Variants in SLK observed in about 807,000 individuals in gnomAD.
The protein encoded by SLK is STE20 like kinase, also known as STE20-like serine/threonine-protein kinase.
Under a neutral mutation model 147.7 loss-of-function variants are expected in SLK, and 67 were observed. That is an observed-to-expected ratio of 0.45 (90% CI 0.37 to 0.56). The LOEUF is 0.56. Ranked by LOEUF, SLK falls within the 20% of genes least tolerant of loss-of-function variation. The probability of loss-of-function intolerance (pLI) is 0.00; values close to 1 mark genes in which losing one functional copy is unlikely to be tolerated. For synonymous variants in SLK, 441 were observed against 475.0 expected (o/e 0.93, Z 0.93); for missense variants, 1,136 against 1,438.8 (o/e 0.79, Z 3.41).
chr10:103,984,466 C>T (rs141448440), intron 1 of SLK, among the ~76,000 whole-genome samples: 13 of 152,178 alleles, frequency 8.5e-5, no homozygotes, highest in Admixed American at 4.6e-4. Flanking sequence ...CATGCTGGAG[C>T]GCAATGGTGC....
intron 18 of SLK, 124 bp from the exon 19 acceptor site, chr10:104,025,450 C>T (rs1351484375): frequency 1.5e-5 from 13 of 856,772 alleles, no homozygotes; most frequent in East Asian, 1.3e-4. Context: ...ATTGAGCAGG[C>T]GTGTCTTCTT....
intron 18 of SLK, 106 bp from the exon 19 acceptor site, chr10:104,025,468 A>G: frequency 9.3e-7 from 1 of 1,077,820 alleles, no homozygotes; most frequent in South Asian, 1.6e-5. Context: ...CTTGAGGATT[A>G]TATACAAAGA....
At chr10:103,989,764 G>A (rs908959070) in intron 1 of SLK, among the ~76,000 whole-genome samples, 1 of 152,072 alleles carries the variant, frequency 6.6e-6, no homozygotes, top group Non-Finnish European at 1.5e-5. Context: ...CACCGCGCCC[G>A]GCCAACAATT....
chr10:104,002,539 A>G lies in SLK; in HGVS notation c.1361A>G (p.Asn454Ser), dbSNP rs2134497770. ...INSVSEGKEN[N>S]IMITLETNIE... is the part of the protein sequence containing the mutation. ...TCAGTCAGTGAAGGAAAAGAGAATA[A>G]TATAATGATAACCTTAGAAACAAAT... Residue 454 changes from asparagine to serine, a missense_variant, in exon 9 of 19, where the codon AAT (asparagine) becomes AGT (serine). By Grantham distance (46) the Asn-to-Ser change is conservative. Transcript: ENST00000369755. 6.2e-7 allele frequency: 1 copy of G among 1,609,248 alleles called. No individual in the cohort carries two copies. Among genetic ancestry groups the G allele is most frequent in the South Asian group, 1.1e-5 (1 of 90,676 alleles).
chr10:103,999,838 A>G (rs1564657170), intron 6 of SLK, 29 bp from the exon 7 acceptor site: 8 of 936,292 alleles, frequency 8.5e-6, no homozygotes, highest in Middle Eastern at 5.2e-4. Flanking sequence ...AGAAAGTAAA[A>G]TAGAATGTTG....
intron 1 of SLK, among the ~76,000 whole-genome samples, chr10:103,989,274 C>G (rs76982319): frequency 6.6e-6 from 1 of 152,080 alleles, no homozygotes; most frequent in African/African-American, 2.4e-5. Context: ...AAAAGATGCT[C>G]GACATCATAT....
intron 1 of SLK, among the ~76,000 whole-genome samples, chr10:103,981,922 A>G (rs1418340832): frequency 6.6e-6 from 1 of 152,156 alleles, no homozygotes; most frequent in Non-Finnish European, 1.5e-5. Context: ...TTTGGGTAGT[A>G]TTGACATTTT....
intron 1 of SLK, among the ~76,000 whole-genome samples, chr10:103,987,825 C>G (rs1844037794): frequency 6.6e-6 from 1 of 151,834 alleles, no homozygotes; most frequent in Non-Finnish European, 1.5e-5. Flanking sequence ...GTACTAAGAA[C>G]AAGGAAAAAT....
At chr10:104,004,853 G>T (rs541896096) in intron 9 of SLK, among the ~76,000 whole-genome samples, 3 of 152,234 alleles carry the variant, frequency 2.0e-5, no homozygotes, top group African/African-American at 7.2e-5. Context: ...ACCAGTTGAG[G>T]AATGAAGAGT....
rs557723359 is a variant in SLK at position 103,994,156 on chromosome 10, C to G, written c.514+1023C>G. On this transcript the variant is annotated intron_variant, in intron 4 of 18. Coordinates refer to ENST00000369755, the MANE Select transcript of SLK (RefSeq NM_014720.4). ...CAAGTGATTCTTCTGCCTTGGGCCT[C>G]CTGAAGTGAATTTTAACCTTTTGAT... Among the ~76,000 whole-genome samples the G allele has an allele frequency of 2.6e-5, 4 of 152,154 alleles. No homozygotes were observed. In the South Asian group the frequency reaches 8.3e-4, roughly 32 times the overall value.
chr10:103,999,007 C>A, intron 5 of SLK, 36 bp downstream of exon 5: 1 of 1,545,258 alleles, frequency 6.5e-7, no homozygotes, highest in South Asian at 1.1e-5. Context: ...TAGTATTAGT[C>A]ATGTCAGCAG....
In SLK at chr10:104,002,493, C is replaced by G; in HGVS notation, c.1315C>G (p.Gln439Glu). 1 of 1,613,080 alleles carries G rather than the reference C, an allele frequency of 6.2e-7. No individual in the cohort carries two copies. The highest frequency in any genetic ancestry group is 8.5e-7 in the Non-Finnish European group (1 of 1,179,522). ...TGAAAATCTGCCTGACACAGAAGAC[C>G]AAGAAACTGTGGACATTAATTCAGT... ...KLENLPDTED[Q>E]ETVDINSVSE... The change falls in exon 9 of 19, where the codon CAA (glutamine) becomes GAA (glutamate). Residue 439 changes from glutamine (Q) to glutamate (E), a missense_variant. Physicochemically the swap from Gln to Glu is conservative, Grantham distance 29. This residue lies in a region of SLK where 516 missense variants were observed against 531.3 expected (regional missense o/e 0.97). Transcript: ENST00000369755.
chr10:103,980,517 A>G (rs2134452907), intron 1 of SLK, among the ~76,000 whole-genome samples: 1 of 152,284 alleles, frequency 6.6e-6, no homozygotes, highest in South Asian at 2.1e-4. Context: ...GCCCTAGGCA[A>G]CTGTTCTTCT....
In SLK at chr10:104,002,885, G is replaced by A. The variant is rs56357599; in HGVS notation, c.1707G>A (p.Thr569=). The change falls in exon 9 of 19, where the codon ACG becomes ACA. Residue 569 remains threonine, a synonymous_variant. Transcript: ENST00000369755. ...TGGATGAAGACAGTGCTGAGGATAC[G>A]CAGAGTAATGATGGGAAAGAAGTGG... is the stretch of plus-strand genomic sequence containing the variant. ...QKVDEDSAED[T]QSNDGKEVVE... 7.4e-6 allele frequency: 12 copies of A among 1,614,084 alleles called. No homozygotes were observed. Among genetic ancestry groups the A allele is most frequent in the South Asian group, 4.4e-5 (4 of 91,068 alleles).
chr10:103,990,898 A>G, intron 2 of SLK, 59 bp downstream of exon 2: 1 of 1,033,924 alleles, frequency 9.7e-7, no homozygotes, highest in Non-Finnish European at 1.3e-6. Flanking sequence ...TCCTAAAGAG[A>G]TGTTTATGAA....
chr10:104,007,766 T>G (rs1276876647), intron 11 of SLK, among the ~76,000 whole-genome samples: 3 of 113,992 alleles, frequency 2.6e-5, no homozygotes, highest in Admixed American at 8.2e-5. Context: ...GCCCTATCTC[T>G]CCAAATAAAT....
At chr10:104,005,725 TG>T (rs1844315886) in intron 10 of SLK, 34 bp downstream of exon 10, 1 of 1,593,990 alleles carries the variant, frequency 6.3e-7, no homozygotes, top group Non-Finnish European at 8.5e-7. Flanking sequence ...AAAACTGGTT[TG>T]TGACTTCTTT....
chr10:104,026,021 T>C lies in SLK; in HGVS notation c.*301T>C. ...TACCTGAAAACTGTTGGAGAAATAA[T>C]GTTTAAAGTTATTTAAGAAAAACTG... is the stretch of plus-strand genomic sequence containing the variant. On this transcript the variant is annotated 3_prime_UTR_variant, in exon 19 of 19. Transcript: ENST00000369755. The C allele has an allele frequency of 4.3e-6, 1 of 232,808 alleles. No homozygotes were observed. Among genetic ancestry groups the C allele is most frequent in the Non-Finnish European group, 8.3e-6 (1 of 120,754 alleles). 14.4% of individuals were successfully genotyped at this position (232,808 alleles called of 1,614,324 possible). A position where few individuals can be genotyped will look rare whatever the true frequency, so the allele number is the denominator to read the frequency against.
chr10:103,993,018 A>G lies in SLK; in HGVS notation c.399A>G (p.Gln133=), dbSNP rs184400051. The change falls in exon 4 of 19, where the codon CAA becomes CAG. Residue 133 remains glutamine, a synonymous_variant. Transcript: ENST00000369755. ...GACCATTAACTGAGTCCCAAATACA[A>G]GTAGTTTGCAAGCAGACTTTAGATG... ...LERPLTESQI[Q]VVCKQTLDAL... 6.2e-7 allele frequency: 1 copy of G among 1,611,966 alleles called. No individual in the cohort carries two copies. The highest frequency in any genetic ancestry group is 1.7e-5 in the Admixed American group (1 of 59,860).
Sources: allele counts gnomAD v4.1 joint callset (sites outside exome capture counted in the v4.1 genomes callset), GRCh38; gene constraint gnomAD v4.1.1; regional missense constraint gnomAD v4.1.1; transcripts MANE v1.5; gene names NCBI Gene and HGNC (gene_info 2026-07-23, HGNC 2026-07-21).